Variants in POLD1 observed in about 807,000 individuals in gnomAD.
POLD1 encodes the protein DNA polymerase delta 1, catalytic subunit.
POLD1 carries 79 observed loss-of-function variants against 129.7 expected under a neutral mutation model. The observed-to-expected ratio is 0.61, with a 90% CI of 0.51 to 0.73. The LOEUF is 0.73. POLD1 is among the 30% of genes least tolerant of loss of function. The pLI, the probability that POLD1 is intolerant of heterozygous loss-of-function variation, is 0.00. For synonymous variants in POLD1, 714 were observed against 683.3 expected (o/e 1.04, Z -0.70); for missense variants, 1,338 against 1,595.8 (o/e 0.84, Z 2.75).
At position 50,417,040 on chromosome 19, in the gene POLD1, C is replaced by G. The variant is rs759650325; in HGVS notation, c.3068-5C>G. 1 of 1,550,058 alleles carries G rather than the reference C, an allele frequency of 6.5e-7. No homozygotes were observed. The highest frequency in any genetic ancestry group is 8.7e-7 in the Non-Finnish European group (1 of 1,146,720). ...CAGCACTTGGGCTGACCCGCCTCCC[C>G]ACAGGAGCCGTGTGTGAGTTCTGCC... On this transcript the variant is annotated splice_polypyrimidine_tract_variant and splice_region_variant and intron_variant, in intron 24 of 26. Transcript: ENST00000440232.
intron 1 of POLD1, among the ~76,000 whole-genome samples, chr19:50,395,446 C>T (rs558529416): frequency 6.6e-6 from 1 of 151,970 alleles, no homozygotes; most frequent in Non-Finnish European, 1.5e-5. Flanking sequence ...TAGGCGGGCG[C>T]AGTGGCGGAC....
rs1393429153 is a variant in POLD1, at chr19:50,406,537, C to T, written c.1494+20C>T. 2.0e-6 allele frequency: 3 copies of T among 1,525,860 alleles called. No individual in the cohort carries two copies. The highest frequency in any genetic ancestry group is 2.7e-6 in the Non-Finnish European group (3 of 1,122,128). 94.5% of individuals were successfully genotyped at this position (1,525,860 alleles called of 1,614,324 possible). A position where few individuals can be genotyped will look rare whatever the true frequency, so the allele number is the denominator to read the frequency against. ...CTGCAGGTGCCTGCTGCCTCCCTGA[C>T]CTCTCACCCCAACCTCTGACCTCCA... On this transcript the variant is annotated intron_variant, in intron 12 of 26. Transcript: ENST00000440232. This position sits in a 1 kb window ranked among gnomAD's most constrained non-coding sequence, Gnocchi z 5.5.
At chr19:50,397,507 C>T (rs1049483090) in intron 1 of POLD1, among the ~76,000 whole-genome samples, 1 of 150,986 alleles carries the variant, frequency 6.6e-6, no homozygotes, top group African/African-American at 2.4e-5. Flanking sequence ...CAGGTTCAAG[C>T]AATTCTCCTG....
intron 1 of POLD1, among the ~76,000 whole-genome samples, chr19:50,397,868 G>A (rs772604129): frequency 5.3e-5 from 8 of 152,186 alleles, no homozygotes; most frequent in Non-Finnish European, 1.0e-4. Context: ...ATTGGGAAAG[G>A]TGCCCTTTAT....
chr19:50,411,493 C>CT (rs3219417), intron 17 of POLD1, among the ~76,000 whole-genome samples: 27,873 of 152,172 alleles, frequency 0.18, 3,271 homozygotes, highest in Admixed American at 0.28. Flanking sequence ...CTCTTGACCT[C>CT]TTTCCTTATT....
chr19:50,416,549 TG>T, intron 23 of POLD1, 21 bp downstream of exon 23: 3 of 1,548,576 alleles, frequency 1.9e-6, no homozygotes, highest in Non-Finnish European at 8.7e-7. Context: ...ACCAGGGGAC[TG>T]GGGGCACCCT....
chr19:50,412,868 C>G (rs1035213367), intron 17 of POLD1, among the ~76,000 whole-genome samples: 3 of 152,166 alleles, frequency 2.0e-5, no homozygotes, highest in Non-Finnish European at 4.4e-5. Flanking sequence ...CTTCAGCCTC[C>G]CAAAGTGCTG....
intron 19 of POLD1, 103 bp from the exon 20 acceptor site, chr19:50,414,712 A>C (rs2039210060): frequency 2.0e-6 from 2 of 981,154 alleles, no homozygotes; most frequent in Non-Finnish European, 2.9e-6. Flanking sequence ...CCATGTCCTC[A>C]AACTGCGTCT....
At chr19:50,412,713 TTGGTGGTGGTGG>T (rs149765706) in intron 17 of POLD1, among the ~76,000 whole-genome samples, 1 of 151,142 alleles carries the variant, frequency 6.6e-6, no homozygotes, top group Non-Finnish European at 1.5e-5. Flanking sequence ...AGCCTCAGGT[TTGGTGGTGGTGG>T]TGGTGGTGGT....
At chr19:50,395,002 A>ATT (rs113163456) in intron 1 of POLD1, 4,789 of 133,342 alleles carry the variant, frequency 0.036, 324 homozygotes, top group African/African-American at 0.12. Flanking sequence ...TGCCCAGCTA[A>ATT]TTTTTTTTTT....
At chr19:50,403,425 C>T in intron 9 of POLD1, 68 bp from the exon 10 acceptor site, 1 of 1,310,528 alleles carries the variant, frequency 7.6e-7, no homozygotes, top group South Asian at 1.2e-5. Context: ...GGTTCTAGAA[C>T]ATTCTGGAAG....
chr19:50,416,848 G>GGCCC, intron 24 of POLD1, 125 bp downstream of exon 24: 2 of 943,754 alleles, frequency 2.1e-6, no homozygotes, highest in South Asian at 3.4e-5. Context: ...CTGGGTGGGT[G>GGCCC]GCCCCTGTCT....
intron 3 of POLD1, among the ~76,000 whole-genome samples, chr19:50,400,822 G>A (rs553100595): frequency 2.7e-5 from 4 of 150,464 alleles, no homozygotes; most frequent in East Asian, 2.0e-4. Context: ...TCAGCCTCCC[G>A]AGTTGCTGGG....
chr19:50,416,239 G>A, intron 22 of POLD1, 157 bp from the exon 23 acceptor site: 2 of 688,848 alleles, frequency 2.9e-6, no homozygotes, highest in South Asian at 3.7e-5. Flanking sequence ...GTGGCCCAGA[G>A]ACTCCGTGAC....
chr19:50,417,481 C>T (rs905345351), intron 26 of POLD1, among the ~76,000 whole-genome samples: 7 of 152,272 alleles, frequency 4.6e-5, no homozygotes, highest in South Asian at 2.1e-4. Context: ...AGGGAGGCAG[C>T]GCCCGGCACC....
intron 1 of POLD1, among the ~76,000 whole-genome samples, chr19:50,395,765 C>T (rs1326630880): frequency 1.3e-5 from 2 of 151,812 alleles, no homozygotes. Context: ...CCGTTTACTC[C>T]TAAATACTTG....
chr19:50,401,366 T>C (rs1020162828), intron 3 of POLD1, among the ~76,000 whole-genome samples: 1 of 82,416 alleles, frequency 1.2e-5, no homozygotes, highest in Non-Finnish European at 2.3e-5. Context: ...TGTGTATATG[T>C]GTATATATAT....
chr19:50,404,522 A>G (rs1256945353), intron 10 of POLD1, among the ~76,000 whole-genome samples: 1 of 147,688 alleles, frequency 6.8e-6, no homozygotes, highest in Admixed American at 6.7e-5. Context: ...TCGGCCTCCC[A>G]AAGTGTTGGG....
rs542956306 is a variant in POLD1 at position 50,405,589 on chromosome 19, C to T, written c.1243-593C>T. ...ATTAAAGAGAAAACAAGAAAAAATC[C>T]ATTCTAAAATACAGAACAAACTCTT... On this transcript the variant is annotated intron_variant, in intron 10 of 26. Transcript: ENST00000440232. 3.3e-5 allele frequency among the ~76,000 whole-genome samples: 5 copies of T among 152,210 alleles called. No homozygotes were observed. The East Asian group carries it at 9.7e-4, about 29-fold the overall frequency.
Sources: gnomAD v4.1 joint callset for allele counts (sites outside exome capture counted in the v4.1 genomes callset) on GRCh38, gnomAD v4.1.1 for gene constraint, Gnocchi (gnomAD v3.1) non-coding constraint, MANE v1.5 for transcripts, NCBI Gene and HGNC (gene_info 2026-07-23, HGNC 2026-07-21) for gene names.